TFEB: variants seen among roughly 807,000 people sequenced by gnomAD.
TFEB encodes the protein T-cell transcription factor EB.
Under a neutral mutation model 48.0 loss-of-function variants are expected in TFEB, and 12 were observed. That is an observed-to-expected ratio of 0.25 (90% CI 0.16 to 0.40). The LOEUF (loss-of-function observed/expected upper bound fraction) is 0.40, where lower values mean the gene tolerates loss of function less well. Ranked by LOEUF, TFEB falls within the 10% of genes least tolerant of loss-of-function variation. The probability of loss-of-function intolerance (pLI) is 1.00; values close to 1 mark genes in which losing one functional copy is unlikely to be tolerated. For synonymous variants in TFEB, 244 were observed against 261.4 expected (o/e 0.93, Z 0.64); for missense variants, 509 against 640.3 (o/e 0.79, Z 2.21).
Position 41,719,409 on chromosome 6 carries a change from G to T in TFEB, c.-23+15941C>A, listed in dbSNP as rs142758527. ...CATCCATGGAAAAACTGTCTTCCAC[G>T]AAACCAGTCCCTGGTGCCAAAAAGG... On this transcript the variant is annotated intron_variant, in intron 1 of 8. Coordinates refer to ENST00000373033, the MANE Select transcript of TFEB (RefSeq NM_001271944.2). 6.6e-3 allele frequency among the ~76,000 whole-genome samples: 1,009 copies of T among 152,260 alleles called. 12 individuals are homozygous for T. The highest frequency in any genetic ancestry group is 0.023 in the African/African-American group (955 of 41,542).
At position 41,731,653 on chromosome 6, in the gene TFEB, G is replaced by A. The variant is rs73733011; in HGVS notation, c.-23+3697C>T. 3.7e-3 allele frequency among the ~76,000 whole-genome samples: 563 copies of A among 152,334 alleles called. 4 individuals are homozygous for A. Among genetic ancestry groups the A allele is most frequent in the African/African-American group, 0.013 (538 of 41,564 alleles). ...CACAGCCAGTGAGAGGCACAGTGGG[G>A]TCTCTCGACTCCTGGTCCAGTGCTC... On this transcript the variant is annotated intron_variant, in intron 1 of 8. Transcript: ENST00000373033.
At position 41,689,732 on chromosome 6, in the gene TFEB, G is replaced by A. The variant is rs932375573; in HGVS notation, c.548C>T (p.Thr183Met). The part of the protein sequence containing the change: ...YINPEMQMPN[T>M]LPLSSSHLNV... Reference sequence around the variant, plus strand: ...CCACCCCACCCTAGCCAGGAGTACCGTGTTGGGCATCTGCATTTCAGGATT... The same window carrying A: ...CCACCCCACCCTAGCCAGGAGTACCATGTTGGGCATCTGCATTTCAGGATT... Residue 183 changes from threonine (T) to methionine (M), a missense_variant and splice_region_variant, in exon 4 of 9, where the codon ACG (threonine) becomes ATG (methionine). This residue lies in a region of TFEB where 251 missense variants were observed against 317.2 expected (regional missense o/e 0.79). Coordinates refer to ENST00000373033, the MANE Select transcript of TFEB (RefSeq NM_001271944.2). The A allele has an allele frequency of 7.4e-6, 12 of 1,613,086 alleles. No homozygotes were observed. The highest frequency in any genetic ancestry group is 1.7e-5 in the Admixed American group (1 of 59,974).
At chr6:41,721,076 G>A (rs1770959469) in intron 1 of TFEB, among the ~76,000 whole-genome samples, 2 of 149,166 alleles carry the variant, frequency 1.3e-5, no homozygotes, top group Admixed American at 6.7e-5. Context: ...CCCTCTCATC[G>A]TCCCCACCTG....
chr6:41,697,511 C>A (rs182633208), intron 1 of TFEB, among the ~76,000 whole-genome samples: 2 of 151,224 alleles, frequency 1.3e-5, no homozygotes, highest in East Asian at 1.9e-4. Context: ...AAACCCCCCC[C>A]CTTCCCCAAG....
chr6:41,726,593 AC>A (rs1222874723), intron 1 of TFEB, among the ~76,000 whole-genome samples: 1 of 152,110 alleles, frequency 6.6e-6, no homozygotes, highest in African/African-American at 2.4e-5. Flanking sequence ...GGTGCGTGCC[AC>A]AACACCTGGA....
At position 41,722,713 on chromosome 6, in the gene TFEB, T is replaced by A. The variant is rs1209869240; in HGVS notation, c.-23+12637A>T. Among the ~76,000 whole-genome samples the A allele has an allele frequency of 3.9e-5, 6 of 152,334 alleles. No individual in the cohort carries two copies. The East Asian group carries it at 1.2e-3, about 29-fold the overall frequency. ...GCCAGGTAAACATGAGCTCTTACTA[T>A]CAATCTCAGTTCCAGCTCAAACTTC... On this transcript the variant is annotated intron_variant, in intron 1 of 8. Coordinates refer to ENST00000373033, the MANE Select transcript of TFEB (RefSeq NM_001271944.2).
At chr6:41,688,524 C>T (rs1769133861) in intron 4 of TFEB, among the ~76,000 whole-genome samples, 1 of 151,892 alleles carries the variant, frequency 6.6e-6, no homozygotes, top group Admixed American at 6.6e-5. Flanking sequence ...TATCTGGATC[C>T]CCAGTACAGT....
rs1197721784 is a variant in TFEB at position 41,734,401 on chromosome 6, C to G, written c.-23+949G>C. The stretch of plus-strand genomic sequence containing the variant: ...CAGCTCGGGGCAGCCGTGCGTGAAG[C>G]CGGAACCCCGCGCGGGGAGGGGGCC... On this transcript the variant is annotated intron_variant, in intron 1 of 8. Coordinates refer to ENST00000373033, the MANE Select transcript of TFEB (RefSeq NM_001271944.2). The surrounding 1 kb of genome is among the most constrained non-coding windows in gnomAD (Gnocchi z 4.0). The G allele has an allele frequency of 3.0e-6, 3 of 984,784 alleles. No individual in the cohort carries two copies. Among genetic ancestry groups the G allele is most frequent in the Admixed American group, 1.2e-4 (2 of 16,238 alleles). 61.0% of individuals were successfully genotyped at this position (984,784 alleles called of 1,614,324 possible).
chr6:41,716,487 C>T (rs1431011785), intron 1 of TFEB, among the ~76,000 whole-genome samples: 2 of 152,208 alleles, frequency 1.3e-5, no homozygotes, highest in Non-Finnish European at 2.9e-5. Flanking sequence ...CACCCACCCA[C>T]TCACAGGAGC....
Position 41,687,968 on chromosome 6 carries a change from G to A in TFEB, c.610C>T (p.Leu204=). The A allele has an allele frequency of 6.2e-7, 1 of 1,614,042 alleles. No individual in the cohort carries two copies. The highest frequency in any genetic ancestry group is 8.5e-7 in the Non-Finnish European group (1 of 1,179,972). Residue 204 remains leucine, a synonymous_variant, in exon 5 of 9, where the codon CTG becomes TTG. Transcript: ENST00000373033. The part of the protein sequence containing the change: ...YSSDPQVTAS[L]VGVTSSSCPA... The stretch of plus-strand genomic sequence containing the variant: ...CAGGAGCTGCTGGTGACGCCCACCA[G>A]GGAGGCTGTGACCTGGGGGTCGCTG...
Position 41,723,710 on chromosome 6 carries a change from C to T in TFEB, c.-23+11640G>A, listed in dbSNP as rs1391587991. ...TGCGCCCCGACGGCACAGTCCCACA[C>T]CGCAGCCTACCCAACACAGACTGCT... is the stretch of plus-strand genomic sequence containing the variant. On this transcript the variant is annotated intron_variant, in intron 1 of 8. Coordinates refer to ENST00000373033, the MANE Select transcript of TFEB (RefSeq NM_001271944.2). The surrounding 1 kb of genome is among the most constrained non-coding windows in gnomAD (Gnocchi z 6.0). 2.5e-6 allele frequency: 1 copy of T among 398,256 alleles called. No homozygotes were observed. The highest frequency in any genetic ancestry group is 2.1e-5 in the African/African-American group (1 of 47,554). 24.7% of individuals were successfully genotyped at this position (398,256 alleles called of 1,614,324 possible).
Position 41,735,481 on chromosome 6 carries a change from G to A in TFEB, c.-154C>T. 2 of 984,682 alleles carry A rather than the reference G, an allele frequency of 2.0e-6. No individual in the cohort carries two copies. The highest frequency in any genetic ancestry group is 3.5e-5 in the African/African-American group (2 of 57,224). 61.0% of individuals were successfully genotyped at this position (984,682 alleles called of 1,614,324 possible). A position where few individuals can be genotyped will look rare whatever the true frequency, so the allele number is the denominator to read the frequency against. ...CCTGCTCCGGCCCCGTGCCACCAGG[G>A]AGGCCCGCCCCGTCCGCCCTTCCCG... On this transcript the variant is annotated 5_prime_UTR_variant, in exon 1 of 9. Transcript: ENST00000373033.
upstream of TFEB, chr6:41,736,063 G>A (rs1198737616): frequency 4.5e-6 from 7 of 1,549,186 alleles, no homozygotes; most frequent in Non-Finnish European, 6.2e-6. Flanking sequence ...AGGCCAGGGT[G>A]AGCCTGGCGA....
At chr6:41,687,213 AC>A in intron 6 of TFEB, 44 bp from the exon 7 acceptor site, 1 of 1,582,364 alleles carries the variant, frequency 6.3e-7, no homozygotes, top group Non-Finnish European at 8.7e-7. Flanking sequence ...AGGGATGGGG[AC>A]CCCCCACCCC....
chr6:41,727,751 C>G (rs2127273916), intron 1 of TFEB, among the ~76,000 whole-genome samples: 2 of 152,270 alleles, frequency 1.3e-5, no homozygotes, highest in East Asian at 3.9e-4. Flanking sequence ...CCCCCAGGTT[C>G]CAGGCCCAAG....
intron 1 of TFEB, among the ~76,000 whole-genome samples, chr6:41,703,551 A>G (rs116637431): frequency 6.6e-6 from 1 of 152,352 alleles, no homozygotes; most frequent in African/African-American, 2.4e-5. Flanking sequence ...TTAAGAGTCA[A>G]ACCTGCTTCT....
Position 41,723,577 on chromosome 6 carries a change from C to A in TFEB, c.-23+11773G>T, listed in dbSNP as rs917418722. 1.2e-5 allele frequency: 15 copies of A among 1,247,296 alleles called. No homozygotes were observed. The South Asian group carries it at 1.2e-4, about 10-fold the overall frequency. 77.3% of individuals were successfully genotyped at this position (1,247,296 alleles called of 1,614,324 possible). A position where few individuals can be genotyped will look rare whatever the true frequency, so the allele number is the denominator to read the frequency against. ...GGGCTCAGTTTCCTCATTTCCCCGG[C>A]GGCTGCTGTTTCTCACCCAGCCCCC... On this transcript the variant is annotated intron_variant, in intron 1 of 8. Transcript: ENST00000373033. This position sits in a 1 kb window ranked among gnomAD's most constrained non-coding sequence, Gnocchi z 6.0.
intron 1 of TFEB, among the ~76,000 whole-genome samples, chr6:41,709,010 G>A (rs748802444): frequency 2.0e-5 from 3 of 152,212 alleles, no homozygotes; most frequent in Non-Finnish European, 2.9e-5. Flanking sequence ...CCTCCATACC[G>A]GGGGTAGTGA....
chr6:41,700,803 A>G (rs1277480087), intron 1 of TFEB, among the ~76,000 whole-genome samples: 1 of 152,214 alleles, frequency 6.6e-6, no homozygotes, highest in African/African-American at 2.4e-5. Context: ...ATCAGCCCCA[A>G]GTTTCAGCTC....
Sources: allele counts gnomAD v4.1 joint callset (sites outside exome capture counted in the v4.1 genomes callset), GRCh38; gene constraint gnomAD v4.1.1; regional missense constraint gnomAD v4.1.1; non-coding constraint Gnocchi (gnomAD v3.1); transcripts MANE v1.5; gene names NCBI Gene and HGNC (gene_info 2026-07-23, HGNC 2026-07-21).